CTNND2: variants seen among roughly 807,000 people sequenced by gnomAD.
CTNND2 encodes catenin delta 2.
Under a neutral mutation model 144.4 loss-of-function variants are expected in CTNND2, and 22 were observed. The ratio of observed to expected loss-of-function variants is 0.15; its 90% CI spans 0.11 to 0.22. The LOEUF (loss-of-function observed/expected upper bound fraction) is 0.22, where lower values mean the gene tolerates loss of function less well. CTNND2 is among the 10% of genes least tolerant of loss of function. The probability of loss-of-function intolerance (pLI) is 1.00; values close to 1 mark genes in which losing one functional copy is unlikely to be tolerated. For synonymous variants in CTNND2, 751 were observed against 695.6 expected, an observed-to-expected ratio of 1.08 and a Z score of -1.25; for missense variants, 1,353 against 1,618.8, an observed-to-expected ratio of 0.84 and a Z score of 2.82.
At chr5:11,671,145 G>A (rs1005011393) in intron 2 of CTNND2, among the ~76,000 whole-genome samples, 23 of 152,154 alleles carry the variant, frequency 1.5e-4, no homozygotes, top group Non-Finnish European at 2.6e-4. Context: ...TGAGAGATCC[G>A]CTGTTAGTCT....
At chr5:11,749,602 G>A (rs1267989122) in intron 1 of CTNND2, among the ~76,000 whole-genome samples, 1 of 151,982 alleles carries the variant, frequency 6.6e-6, no homozygotes, top group Non-Finnish European at 1.5e-5. Flanking sequence ...TAGCATGAGA[G>A]TAATCATGAT....
chr5:11,808,607 T>C (rs1792139029), intron 1 of CTNND2, among the ~76,000 whole-genome samples: 1 of 152,210 alleles, frequency 6.6e-6, no homozygotes. Context: ...ATTTTCCCCT[T>C]CTAGTTGGTC....
At position 11,739,955 on chromosome 5, in the gene CTNND2, T is replaced by G. The variant is rs146341551; in HGVS notation, c.38-7683A>C. Among the ~76,000 whole-genome samples, 581 of 152,060 alleles carry G rather than the reference T, an allele frequency of 3.8e-3. 5 individuals are homozygous for G. The highest frequency in any genetic ancestry group is 0.013 in the African/African-American group (550 of 41,490). ...CCATTCACAATTGCTTCAAAGAGAA[T>G]AAAAAACCTAGGAATCCAACTTACA... On this transcript the variant is annotated intron_variant, in intron 1 of 21. Transcript: ENST00000304623.
At chr5:11,740,842 AAG>A (rs1169968157) in intron 1 of CTNND2, among the ~76,000 whole-genome samples, 4 of 152,188 alleles carry the variant, frequency 2.6e-5, no homozygotes, top group Non-Finnish European at 5.9e-5. Flanking sequence ...ACAAATTTAC[AAG>A]AAAAAAACAA....
chr5:11,835,052 C>A (rs1794102770), intron 1 of CTNND2, among the ~76,000 whole-genome samples: 1 of 152,204 alleles, frequency 6.6e-6, no homozygotes, highest in African/African-American at 2.4e-5. Context: ...ATGGGAGGAT[C>A]ACCTAAGCCT....
intron 3 of CTNND2, among the ~76,000 whole-genome samples, chr5:11,501,815 TGGCTAACATGGTGAAATCCC>T (rs541519710): frequency 0.016 from 2,394 of 151,806 alleles, 69 homozygotes; most frequent in African/African-American, 0.055. Context: ...GAGACCATCC[TGGCTAACATGGTGAAATCCC>T]GGCTAACATG....
intron 3 of CTNND2, among the ~76,000 whole-genome samples, chr5:11,528,228 G>A (rs1217214890): frequency 1.3e-5 from 2 of 152,146 alleles, no homozygotes; most frequent in African/African-American, 4.8e-5. Context: ...AGGCATCACT[G>A]TAACTTGGAG....
chr5:11,809,491 G>A (rs1271449809), intron 1 of CTNND2, among the ~76,000 whole-genome samples: 2 of 152,172 alleles, frequency 1.3e-5, no homozygotes, highest in South Asian at 2.1e-4. Flanking sequence ...CCACAGGATA[G>A]CCATAAACCA....
intron 1 of CTNND2, among the ~76,000 whole-genome samples, chr5:11,776,493 C>T (rs1790262752): frequency 6.6e-6 from 1 of 152,124 alleles, no homozygotes; most frequent in South Asian, 2.1e-4. Context: ...CCGTAAACAG[C>T]TTTCATTATT....
chr5:11,066,523 T>C (rs942273292), intron 16 of CTNND2, among the ~76,000 whole-genome samples: 3 of 146,186 alleles, frequency 2.1e-5, no homozygotes, highest in African/African-American at 7.5e-5. Context: ...TCCACCTTTC[T>C]GGACCAAACC....
intron 3 of CTNND2, among the ~76,000 whole-genome samples, chr5:11,423,505 C>G (rs1186559961): frequency 6.6e-6 from 1 of 152,142 alleles, no homozygotes; most frequent in Non-Finnish European, 1.5e-5. Flanking sequence ...AGAATTATCC[C>G]TGTTGTCGGA....
intron 9 of CTNND2, among the ~76,000 whole-genome samples, chr5:11,327,066 G>A (rs1383345280): frequency 6.6e-6 from 1 of 152,204 alleles, no homozygotes; most frequent in African/African-American, 2.4e-5. Flanking sequence ...CACACAGCAT[G>A]AAGTGCCTAT....
intron 20 of CTNND2, chr5:10,986,615 A>C (rs35210570): frequency 4.4e-6 from 2 of 455,266 alleles, no homozygotes; most frequent in Admixed American, 4.7e-5. Flanking sequence ...ATGTAAGGGG[A>C]AACAGTGAAT....
intron 16 of CTNND2, among the ~76,000 whole-genome samples, chr5:11,030,035 A>G (rs1435105055): frequency 7.4e-5 from 10 of 134,880 alleles, no homozygotes; most frequent in Non-Finnish European, 3.3e-5. Flanking sequence ...CTTGGCTGAC[A>G]GTTTTTTTTT....
In CTNND2 at chr5:11,370,609, T is replaced by G. The variant is rs151161670; in HGVS notation, c.1178-5719A>C. ...TTGGAATCCATTCATATTATTTTAT[T>G]TATATACTCTATAATCTATGACTCT... On this transcript the variant is annotated intron_variant, in intron 7 of 21. Coordinates refer to ENST00000304623, the MANE Select transcript of CTNND2 (RefSeq NM_001332.4). Among the ~76,000 whole-genome samples, 335 of 152,384 alleles carry G rather than the reference T, an allele frequency of 2.2e-3. 1 individual carries two copies. Among genetic ancestry groups the G allele is most frequent in the African/African-American group, 7.6e-3 (316 of 41,590 alleles).
At chr5:11,686,905 T>C (rs1784680148) in intron 2 of CTNND2, among the ~76,000 whole-genome samples, 1 of 149,536 alleles carries the variant, frequency 6.7e-6, no homozygotes, top group African/African-American at 2.4e-5. Flanking sequence ...ATATTATCTA[T>C]GTTTTAAAAT....
At chr5:11,265,583 C>T (rs1745352075) in intron 9 of CTNND2, among the ~76,000 whole-genome samples, 1 of 152,010 alleles carries the variant, frequency 6.6e-6, no homozygotes, top group Non-Finnish European at 1.5e-5. Flanking sequence ...CAAAAGTACT[C>T]CAAACACTCT....
At chr5:11,362,055 G>A (rs1390324323) in intron 8 of CTNND2, among the ~76,000 whole-genome samples, 2 of 152,134 alleles carry the variant, frequency 1.3e-5, no homozygotes, top group Admixed American at 1.3e-4. Flanking sequence ...TTTCAGGCTG[G>A]TAGGCCTCAT....
chr5:11,627,866 C>T (rs1350749954), intron 2 of CTNND2, among the ~76,000 whole-genome samples: 2 of 150,792 alleles, frequency 1.3e-5, no homozygotes, highest in African/African-American at 4.9e-5. Context: ...GACAGATCAT[C>T]AGGCATTACA....
Sources: gnomAD v4.1 joint callset for allele counts (sites outside exome capture counted in the v4.1 genomes callset) on GRCh38, gnomAD v4.1.1 for gene constraint, MANE v1.5 for transcripts, NCBI Gene and HGNC (gene_info 2026-07-23, HGNC 2026-07-21) for gene names.